ZNF266: variants seen among roughly 807,000 people sequenced by gnomAD.
ZNF266 encodes zinc finger protein 1.
Under a neutral mutation model 16.4 loss-of-function variants are expected in ZNF266, and 16 were observed. That is an observed-to-expected ratio of 0.98 (90% CI 0.66 to 1.48). ZNF266 has a LOEUF of 1.48. Ranked by LOEUF, ZNF266 falls within the 40% of genes most tolerant of loss-of-function variation. The probability of loss-of-function intolerance (pLI) is 0.00; values close to 1 mark genes in which losing one functional copy is unlikely to be tolerated. For missense variants in ZNF266, 738 were observed against 689.1 expected (o/e 1.07, Z -0.79); for synonymous variants, 262 against 237.9 (o/e 1.10, Z -0.93).
chr19:9,424,770 G>C (rs934307109), intron 5 of ZNF266, among the ~76,000 whole-genome samples: 6 of 152,178 alleles, frequency 3.9e-5, no homozygotes, highest in Non-Finnish European at 7.3e-5. Flanking sequence ...GACTAAATTT[G>C]AGGAGTAATT....
intron 5 of ZNF266, among the ~76,000 whole-genome samples, chr19:9,426,217 C>T (rs1352634748): frequency 2.0e-5 from 3 of 152,002 alleles, no homozygotes; most frequent in African/African-American, 7.3e-5. Flanking sequence ...ATGGGAAGCA[C>T]AAATGGAGGC....
intron 5 of ZNF266, among the ~76,000 whole-genome samples, chr19:9,428,167 G>C (rs2123354779): frequency 6.6e-6 from 1 of 152,206 alleles, no homozygotes; most frequent in African/African-American, 2.4e-5. Flanking sequence ...CATCTACTGG[G>C]CTCTCCTGGA....
At chr19:9,414,792 G>C in intron 10 of ZNF266, 72 bp from the exon 11 acceptor site, 1 of 1,433,360 alleles carries the variant, frequency 7.0e-7, no homozygotes, top group Non-Finnish European at 9.3e-7. Flanking sequence ...CATCTGAAGA[G>C]AGGAACACTG....
chr19:9,427,990 A>G (rs959693308), intron 5 of ZNF266, among the ~76,000 whole-genome samples: 3 of 151,498 alleles, frequency 2.0e-5, no homozygotes, highest in African/African-American at 7.3e-5. Context: ...AACGGGGGGA[A>G]AAATCAACTT....
intron 5 of ZNF266, among the ~76,000 whole-genome samples, chr19:9,422,956 G>A (rs542275348): frequency 9.9e-5 from 15 of 152,200 alleles, no homozygotes; most frequent in Non-Finnish European, 1.5e-4. Context: ...ATGGATGGAC[G>A]TCTCTGAAAG....
chr19:9,415,811 G>A (rs2068891374), intron 9 of ZNF266, 69 bp from the exon 10 acceptor site: 5 of 1,311,458 alleles, frequency 3.8e-6, no homozygotes, highest in Non-Finnish European at 5.4e-6. Context: ...AAAATGAGAG[G>A]GATCATTTGT....
In ZNF266 at chr19:9,433,709, T is replaced by G. The variant is rs1405310058; in HGVS notation, c.-171A>C. ...GGCTTATACCTGTAATCCCAGCATT[T>G]TGGGAGGCCGAGGTGGGTGGATCAC... On this transcript the variant is annotated 5_prime_UTR_variant, in exon 5 of 11. Coordinates refer to ENST00000592904, the MANE Select transcript of ZNF266 (RefSeq NM_001370374.1). 1 of 152,024 alleles carries G rather than the reference T, an allele frequency of 6.6e-6. No individual in the cohort carries two copies. The highest frequency in any genetic ancestry group is 1.5e-5 in the Non-Finnish European group (1 of 67,996). The allele number at this position is 152,024 out of a possible 1,614,324, so 9.4% of individuals were successfully genotyped here.
At chr19:9,432,623 G>T (rs1015246527) in intron 5 of ZNF266, among the ~76,000 whole-genome samples, 1 of 151,908 alleles carries the variant, frequency 6.6e-6, no homozygotes, top group Non-Finnish European at 1.5e-5. Context: ...CATATTTCTG[G>T]TCACAAAAAC....
At position 9,414,609 on chromosome 19, in the gene ZNF266, A is replaced by G; in HGVS notation, c.517T>C (p.Phe173Leu). The change falls in exon 11 of 11, where the codon TTT (phenylalanine) becomes CTT (leucine). Residue 173 changes from phenylalanine to leucine, a missense_variant. By Grantham distance (22) the Phe-to-Leu change is conservative (BLOSUM62 0). Coordinates refer to ENST00000592904, the MANE Select transcript of ZNF266 (RefSeq NM_001370374.1). ...HVRTQNSENT[F>L]ECYLYGVDFL... ...TCTACTCCATACAGATAACACTCAAATGTGTTCTCACTATTTTGAGTTCTC... is the reference window on the plus strand; with the variant it reads ...TCTACTCCATACAGATAACACTCAAGTGTGTTCTCACTATTTTGAGTTCTC... 3 of 1,612,280 alleles carry G rather than the reference A, an allele frequency of 1.9e-6. No individual in the cohort carries two copies. The highest frequency in any genetic ancestry group is 2.5e-6 in the Non-Finnish European group (3 of 1,178,366).
intron 5 of ZNF266, among the ~76,000 whole-genome samples, chr19:9,421,075 A>T (rs1357428946): frequency 1.3e-5 from 2 of 152,226 alleles, no homozygotes; most frequent in Non-Finnish European, 2.9e-5. Flanking sequence ...AATAAAAATT[A>T]ATCACAATCT....
intron 5 of ZNF266, among the ~76,000 whole-genome samples, chr19:9,433,345 G>A (rs985481464): frequency 3.3e-5 from 5 of 152,056 alleles, no homozygotes; most frequent in African/African-American, 4.8e-5. Flanking sequence ...CAACCCCCTA[G>A]GTGTATGAGT....
At chr19:9,418,389 G>C in intron 8 of ZNF266, 116 bp downstream of exon 8, 1 of 1,148,472 alleles carries the variant, frequency 8.7e-7, no homozygotes, top group Middle Eastern at 2.7e-4. Flanking sequence ...ATTAGGGCAG[G>C]GACTATGTCT....
At chr19:9,434,397 T>G (rs77680264) in intron 3 of ZNF266, among the ~76,000 whole-genome samples, 162 bp from the exon 4 acceptor site, 3,234 of 152,280 alleles carry the variant, frequency 0.021, 112 homozygotes, top group African/African-American at 0.074. Flanking sequence ...TACTATGCCT[T>G]AATTAACCAT....
rs1180163780 is a variant in ZNF266 at position 9,418,617 on chromosome 19, A to G, written c.123T>C (p.Phe41=). 2 of 1,475,260 alleles carry G rather than the reference A, an allele frequency of 1.4e-6. No individual in the cohort carries two copies. The highest frequency in any genetic ancestry group is 1.7e-5 in the Admixed American group (1 of 59,668). The allele number at this position is 1,475,260 out of a possible 1,614,324, so 91.4% of individuals were successfully genotyped here. The change falls in exon 8 of 11, where the codon TTT becomes TTC. Residue 41 remains phenylalanine, a synonymous_variant. Coordinates refer to ENST00000592904, the MANE Select transcript of ZNF266 (RefSeq NM_001370374.1). The stretch of plus-strand genomic sequence containing the variant: ...GGGTGAAGTCCACAGCCAGATCATC[A>G]AAAGTCACTGAATCCTAAACCATCA... The part of the protein sequence containing the change: ...LTNCYQDSVT[F]DDLAVDFTPE...
chr19:9,423,178 A>G (rs1281794764), intron 5 of ZNF266, among the ~76,000 whole-genome samples: 2 of 152,200 alleles, frequency 1.3e-5, no homozygotes, highest in Non-Finnish European at 2.9e-5. Flanking sequence ...CCCAGCTAAC[A>G]TTACTGCTGG....
chr19:9,431,949 T>C (rs988328461), intron 5 of ZNF266, among the ~76,000 whole-genome samples: 3 of 152,000 alleles, frequency 2.0e-5, no homozygotes, highest in African/African-American at 7.2e-5. Context: ...CTCAAGTCAG[T>C]TGGGTTTTGT....
chr19:9,430,268 T>C (rs2071394391), intron 5 of ZNF266, among the ~76,000 whole-genome samples: 1 of 152,200 alleles, frequency 6.6e-6, no homozygotes, highest in Non-Finnish European at 1.5e-5. Flanking sequence ...CCTGTATCAG[T>C]AGCTCCCGGC....
rs1324864432 is a variant in ZNF266 at position 9,413,757 on chromosome 19, CA to C, written c.1368del (p.Phe456LeufsTer39). On this transcript the variant is annotated frameshift_variant, in exon 11 of 11. Coordinates refer to ENST00000592904, the MANE Select transcript of ZNF266 (RefSeq NM_001370374.1). LOFTEE classifies it low-confidence loss of function (END_TRUNC). ...PYECKECGKA[F>X]ARSSRLSEHT... is the part of the protein sequence containing the mutation. The stretch of plus-strand genomic sequence containing the variant: ...TGTTCACTAAGGCGAGAGGATCTGG[CA>C]AAGGCCTTTCCACATTCCTTACATT... The C allele has an allele frequency of 1.2e-6, 2 of 1,613,910 alleles. No individual in the cohort carries two copies. The highest frequency in any genetic ancestry group is 2.2e-5 in the South Asian group (2 of 91,074).
At chr19:9,416,689 T>A (rs1441680665) in intron 9 of ZNF266, among the ~76,000 whole-genome samples, 4 of 137,140 alleles carry the variant, frequency 2.9e-5, no homozygotes, top group African/African-American at 5.7e-5. Flanking sequence ...TTTTTTTTTT[T>A]GAGACAGAGT....
Sources: allele counts gnomAD v4.1 joint callset (sites outside exome capture counted in the v4.1 genomes callset), GRCh38; gene constraint gnomAD v4.1.1; transcripts MANE v1.5; gene names NCBI Gene and HGNC (gene_info 2026-07-23, HGNC 2026-07-21).